Variants in STXBP2 observed in about 807,000 individuals in gnomAD.
The protein encoded by STXBP2 is syntaxin-binding protein 2.
A neutral mutation model predicts 72.2 loss-of-function variants in STXBP2; 47 were observed. That is an observed-to-expected ratio of 0.65 (90% CI 0.51 to 0.83). The LOEUF (loss-of-function observed/expected upper bound fraction) is 0.83, where lower values mean the gene tolerates loss of function less well. Ranked by LOEUF, STXBP2 falls within the 40% of genes least tolerant of loss-of-function variation. The pLI is 0.00. For synonymous variants in STXBP2, 367 were observed against 338.7 expected (o/e 1.08, Z -0.92); for missense variants, 702 against 807.6 (o/e 0.87, Z 1.58).
At chr19:7,634,217 C>T (rs3745362), upstream of STXBP2, among the ~76,000 whole-genome samples, 44,335 of 152,148 alleles carry the variant, frequency 0.29, 7,142 homozygotes, top group Non-Finnish European at 0.37. Context: ...GGGGAGAGGA[C>T]GTCCCTGCCT....
intron 16 of STXBP2, 73 bp downstream of exon 16, chr19:7,646,417 G>A (rs1374866684): frequency 3.0e-6 from 4 of 1,355,256 alleles, no homozygotes; most frequent in African/African-American, 1.4e-5. Flanking sequence ...TCCTGCTGAG[G>A]TGCTAAGCCT....
At chr19:7,647,025 G>T in intron 16 of STXBP2, 137 bp from the exon 17 acceptor site, 1 of 839,718 alleles carries the variant, frequency 1.2e-6, no homozygotes, top group Non-Finnish European at 1.9e-6. Flanking sequence ...TAGACTCCTG[G>T]GTCCCCCAGA....
rs1599408666 is a variant in STXBP2 at position 7,647,520 on chromosome 19, C to T, written c.1696+9C>T. ...GTGGGAGGTGCTCATTGGTAAGTCA[C>T]CAGGACTGGGACCCTGGGGTCTGGG... On this transcript the variant is annotated intron_variant, in intron 18 of 18. Transcript: ENST00000221283. 1.3e-6 allele frequency: 2 copies of T among 1,588,152 alleles called. No individual in the cohort carries two copies. Among genetic ancestry groups the T allele is most frequent in the Admixed American group, 1.8e-5 (1 of 55,874 alleles).
intron 13 of STXBP2, among the ~76,000 whole-genome samples, chr19:7,644,023 G>C (rs77163522): frequency 0.18 from 15,772 of 87,320 alleles, 50 homozygotes; most frequent in East Asian, 0.33. Flanking sequence ...CCTCGGAGAG[G>C]TGGGACCTGG....
At position 7,643,371 on chromosome 19, in the gene STXBP2, T is replaced by C. The variant is rs545962699; in HGVS notation, c.1107+126T>C. ...GGGCTTGTGGAGAGGTGGAGGGGCC[T>C]TGGAGAGAGGTGGGACCTGGTGGGG... On this transcript the variant is annotated intron_variant, in intron 13 of 18. Coordinates refer to ENST00000221283, the MANE Select transcript of STXBP2 (RefSeq NM_006949.4). 4.7e-6 allele frequency: 5 copies of C among 1,061,398 alleles called. No homozygotes were observed. In the East Asian group the frequency reaches 1.3e-4, roughly 27 times the overall value. The allele number at this position is 1,061,398 out of a possible 1,614,324, so 65.7% of individuals were successfully genotyped here.
upstream of STXBP2, chr19:7,632,675 C>T (rs753731727): frequency 2.4e-5 from 37 of 1,548,984 alleles, no homozygotes; most frequent in South Asian, 5.8e-5. The surrounding 1 kb of genome is among the most constrained non-coding windows in gnomAD (Gnocchi z 5.2). Flanking sequence ...ACTCCCACCC[C>T]GTTCACGCCC....
chr19:7,638,550 TATG>T (rs1425418495), intron 1 of STXBP2, among the ~76,000 whole-genome samples, 173 bp from the exon 2 acceptor site: 1 of 151,826 alleles, frequency 6.6e-6, no homozygotes, highest in African/African-American at 2.4e-5. Context: ...CGCAGTGAGT[TATG>T]ATCACACCAC....
In STXBP2 at chr19:7,644,745, T is replaced by G. The variant is rs1277341771; in HGVS notation, c.1239T>G (p.Leu413=). Residue 413 remains leucine (L), a synonymous_variant, in exon 14 of 19, where the codon CTT becomes CTG. Coordinates refer to ENST00000221283, the MANE Select transcript of STXBP2 (RefSeq NM_006949.4). The part of the protein sequence containing the change: ...KIRVLLLYIL[L]RNGVSEENLA... The stretch of plus-strand genomic sequence containing the variant: ...GGGTCCTGCTGCTCTACATCCTCCT[T>G]CGGAATGGTGGGTGGGGGCTGCAGG... 3 of 1,613,460 alleles carry G rather than the reference T, an allele frequency of 1.9e-6. No individual in the cohort carries two copies. Among genetic ancestry groups the G allele is most frequent in the African/African-American group, 1.3e-5 (1 of 74,922 alleles).
At chr19:7,631,399 C>CGGGGGGG in the STXBP2 span, 9 of 583,130 alleles carry the variant, frequency 1.5e-5, no homozygotes, top group Non-Finnish European at 2.2e-5. Context: ...GAGAGGTGGG[C>CGGGGGGG]GGGGGGGGGT....
chr19:7,634,042 C>T (rs1442362624), upstream of STXBP2, among the ~76,000 whole-genome samples: 6 of 152,184 alleles, frequency 3.9e-5, no homozygotes, highest in African/African-American at 1.4e-4. Context: ...TCCTTCAACT[C>T]ACTGTCCCTG....
rs61736586 is a variant in STXBP2 at position 7,647,478 on chromosome 19, A to G, written c.1663A>G (p.Arg555Gly). Residue 555 changes from arginine to glycine, a missense_variant, in exon 18 of 19, where the codon AGG (arginine) becomes GGG (glycine). Physicochemically the swap from Arg to Gly is moderately radical, Grantham distance 125. Transcript: ENST00000221283. ...GATGAGGGCCGCCTACGAGGTGACC[A>G]GGGCCACCGAGGGCAAGTGGGAGGT... ...SEMRAAYEVT[R>G]ATEGKWEVLI... 1.8e-3 allele frequency: 2,839 copies of G among 1,606,776 alleles called. 34 individuals are homozygous for G. In the African/African-American group the frequency reaches 0.029, roughly 16 times the overall value.
chr19:7,647,862 G>A lies in STXBP2; in HGVS notation c.*52G>A, dbSNP rs758638420. 2.9e-5 allele frequency: 42 copies of A among 1,424,934 alleles called. No homozygotes were observed. The highest frequency in any genetic ancestry group is 3.6e-5 in the Admixed American group (2 of 55,674). 88.3% of individuals were successfully genotyped at this position (1,424,934 alleles called of 1,614,324 possible). On this transcript the variant is annotated 3_prime_UTR_variant, in exon 19 of 19. Transcript: ENST00000221283. ...CTTTCCAGAGAAATAAACTCTTCCC[G>A]TCGCTCTGCCAGCCAGTGCCTACCT... is the stretch of plus-strand genomic sequence containing the variant.
At chr19:7,638,921 C>T (rs2031678124) in intron 2 of STXBP2, 98 bp from the exon 3 acceptor site, 2 of 1,566,596 alleles carry the variant, frequency 1.3e-6, no homozygotes, top group East Asian at 2.2e-5. Flanking sequence ...ACCCAGCCAG[C>T]CCTTGAAACT....
intron 4 of STXBP2, 41 bp from the exon 5 acceptor site, chr19:7,640,690 G>T: frequency 6.2e-7 from 1 of 1,613,246 alleles, no homozygotes; most frequent in Non-Finnish European, 8.5e-7. Flanking sequence ...ATGAGCCTAG[G>T]TGTGCAGGCT....
In STXBP2 at chr19:7,640,526, G is replaced by A. The variant is rs1420310312; in HGVS notation, c.247-205G>A. On this transcript the variant is annotated intron_variant, in intron 4 of 18. Coordinates refer to ENST00000221283, the MANE Select transcript of STXBP2 (RefSeq NM_006949.4). ...TGTGTGTGTGTGCATGTGTGCATGC[G>A]TGTGTATGTGTGTGTGCGTGCGTGC... 25 of 697,456 alleles carry A rather than the reference G, an allele frequency of 3.6e-5. No individual in the cohort carries two copies. In the East Asian group the frequency reaches 5.1e-4, roughly 14 times the overall value. The allele number at this position is 697,456 out of a possible 1,614,324, so 43.2% of individuals were successfully genotyped here.
At chr19:7,634,376 C>T (rs1296541058), upstream of STXBP2, among the ~76,000 whole-genome samples, 1 of 152,206 alleles carries the variant, frequency 6.6e-6, no homozygotes, top group African/African-American at 2.4e-5. Flanking sequence ...ACTATCACCA[C>T]CTCTGCCCGA....
upstream of STXBP2, chr19:7,636,698 G>GGCTGCTGCT (rs886123582): frequency 3.7e-5 from 6 of 161,096 alleles, 1 homozygote; most frequent in South Asian, 2.0e-4. Context: ...TATCCAAGAC[G>GGCTGCTGCT]GCTGCTGCTG....
At chr19:7,646,188 C>T (rs2032129184) in intron 15 of STXBP2, 61 bp from the exon 16 acceptor site, 1 of 1,446,316 alleles carries the variant, frequency 6.9e-7, no homozygotes, top group Non-Finnish European at 9.5e-7. Context: ...CAGGCGCAGC[C>T]CCTCTGTGAC....
rs1269924802 is a variant in STXBP2 at position 7,642,145 on chromosome 19, G to T, written c.663+27G>T. Reference sequence around the variant, plus strand: ...TGAGGGGGCGTGCTTGGGAGGTGAGGGGCAGCCCCAACCGGCTCAGGGTCA... The same window carrying T: ...TGAGGGGGCGTGCTTGGGAGGTGAGTGGCAGCCCCAACCGGCTCAGGGTCA... On this transcript the variant is annotated intron_variant, in intron 8 of 18. Coordinates refer to ENST00000221283, the MANE Select transcript of STXBP2 (RefSeq NM_006949.4). The surrounding 1 kb of genome is among the most constrained non-coding windows in gnomAD (Gnocchi z 6.0). The T allele has an allele frequency of 1.2e-6, 2 of 1,614,032 alleles. No individual in the cohort carries two copies. The highest frequency in any genetic ancestry group is 4.5e-5 in the East Asian group (2 of 44,870).
Sources: gnomAD v4.1 joint callset for allele counts (sites outside exome capture counted in the v4.1 genomes callset) on GRCh38, gnomAD v4.1.1 for gene constraint, Gnocchi (gnomAD v3.1) non-coding constraint, MANE v1.5 for transcripts, NCBI Gene and HGNC (gene_info 2026-07-23, HGNC 2026-07-21) for gene names.